BPNT2: variants seen among roughly 807,000 people sequenced by gnomAD.
The protein encoded by BPNT2 is Golgi-resident adenosine 3',5'-bisphosphate 3'-phosphatase.
BPNT2 carries 11 observed loss-of-function variants against 29.3 expected under a neutral mutation model. That is an observed-to-expected ratio of 0.38 (90% CI 0.24 to 0.62). BPNT2 has a LOEUF of 0.62. BPNT2 is among the 20% of genes least tolerant of loss of function. The pLI, the probability that BPNT2 is intolerant of heterozygous loss-of-function variation, is 0.62. For missense variants in BPNT2, 459 were observed against 473.4 expected, an observed-to-expected ratio of 0.97 and a Z score of 0.28; for synonymous variants, 195 against 187.7, an observed-to-expected ratio of 1.04 and a Z score of -0.32.
intron 3 of BPNT2, among the ~76,000 whole-genome samples, chr8:56,975,371 C>T (rs1488284057): frequency 6.6e-6 from 1 of 152,066 alleles, no homozygotes; most frequent in Admixed American, 6.5e-5. Flanking sequence ...TAAATGCCAT[C>T]CTAACTGATA....
chr8:56,980,121 A>G lies in BPNT2; in HGVS notation c.464T>C (p.Leu155Pro). Reference protein sequence around the residue: ...LWDHKIPEDILKEVTTPKEVP... With the variant: ...LWDHKIPEDIPKEVTTPKEVP... ...CTCTTTAGGAGTAGTTACTTCCTTTAGGATATCCTCAGGAATCTTATGATC... is the reference window on the plus strand; with the variant it reads ...CTCTTTAGGAGTAGTTACTTCCTTTGGGATATCCTCAGGAATCTTATGATC... The change falls in exon 2 of 5, where the codon CTA becomes CCA. Residue 155 changes from leucine to proline, a missense_variant. Coordinates refer to ENST00000262644, the MANE Select transcript of BPNT2 (RefSeq NM_017813.5). 4 of 1,613,504 alleles carry G rather than the reference A, an allele frequency of 2.5e-6. No individual in the cohort carries two copies. The highest frequency in any genetic ancestry group is 3.4e-6 in the Non-Finnish European group (4 of 1,179,508).
chr8:56,966,703 G>A (rs1805959324), intron 3 of BPNT2, among the ~76,000 whole-genome samples: 1 of 152,090 alleles, frequency 6.6e-6, no homozygotes, highest in Non-Finnish European at 1.5e-5. Context: ...CTCTTTCACA[G>A]TTGTGATCCC....
chr8:56,963,969 A>C lies in BPNT2; in HGVS notation c.904T>G (p.Cys302Gly). ...HVTYIKKWDICAGNAILKALG... is the reference protein window; with the variant it reads ...HVTYIKKWDIGAGNAILKALG... ...GCTTTTAAGATGGCATTACCAGCAC[A>C]TATATCCCACTTTTTGATGTATGTC... Residue 302 changes from cysteine (C) to glycine (G), a missense_variant, in exon 5 of 5, where the codon TGT (cysteine) becomes GGT (glycine). Physicochemically the swap from Cys to Gly is radical, Grantham distance 159. Transcript: ENST00000262644. The C allele has an allele frequency of 6.2e-7, 1 of 1,613,860 alleles. No homozygotes were observed. Among genetic ancestry groups the C allele is most frequent in the South Asian group, 1.1e-5 (1 of 91,044 alleles).
intron 3 of BPNT2, among the ~76,000 whole-genome samples, chr8:56,970,041 G>C (rs928998544): frequency 6.6e-6 from 1 of 152,162 alleles, no homozygotes; most frequent in African/African-American, 2.4e-5. Context: ...GCTAATATAT[G>C]TAGAAACAAC....
chr8:56,990,280 C>T (rs889743318), intron 1 of BPNT2, among the ~76,000 whole-genome samples: 1 of 152,158 alleles, frequency 6.6e-6, no homozygotes, highest in African/African-American at 2.4e-5. Context: ...GTCCCCTGTA[C>T]ATTAAATCAA....
Position 56,988,069 on chromosome 8 carries a change from C to T in BPNT2, c.387+5130G>A, listed in dbSNP as rs112444260. On this transcript the variant is annotated intron_variant, in intron 1 of 4. Coordinates refer to ENST00000262644, the MANE Select transcript of BPNT2 (RefSeq NM_017813.5). ...AAACATATAAATAAACGTACCTCTACCTGTCCTATTCTCTTCCCACCTTTA... is the reference window on the plus strand; with the variant it reads ...AAACATATAAATAAACGTACCTCTATCTGTCCTATTCTCTTCCCACCTTTA... 4.7e-3 allele frequency among the ~76,000 whole-genome samples: 721 copies of T among 152,276 alleles called. 3 individuals carry two copies. The highest frequency in any genetic ancestry group is 0.017 in the African/African-American group (699 of 41,542).
rs573481818 is a variant in BPNT2 at position 56,961,484 on chromosome 8, T to C, written c.*2309A>G. The C allele has an allele frequency of 1.3e-5, 2 of 152,330 alleles. No homozygotes were observed. Among genetic ancestry groups the C allele is most frequent in the South Asian group, 2.1e-4 (1 of 4,832 alleles). The allele number at this position is 152,330 out of a possible 1,614,324, so 9.4% of individuals were successfully genotyped here. A position where few individuals can be genotyped will look rare whatever the true frequency, so the allele number is the denominator to read the frequency against. ...TACCCAACATATTATAAAAATAATGTATTTAACTCTCAACCAATACCTTAA... is the reference window on the plus strand; with the variant it reads ...TACCCAACATATTATAAAAATAATGCATTTAACTCTCAACCAATACCTTAA... On this transcript the variant is annotated 3_prime_UTR_variant, in exon 5 of 5. Coordinates refer to ENST00000262644, the MANE Select transcript of BPNT2 (RefSeq NM_017813.5).
chr8:56,985,882 A>T (rs896951923), intron 1 of BPNT2, among the ~76,000 whole-genome samples: 1 of 152,248 alleles, frequency 6.6e-6, no homozygotes, highest in Non-Finnish European at 1.5e-5. Flanking sequence ...GATGTACAAA[A>T]TATGGACAAA....
intron 1 of BPNT2, among the ~76,000 whole-genome samples, chr8:56,983,516 C>T (rs973079317): frequency 3.3e-5 from 5 of 152,060 alleles, no homozygotes; most frequent in African/African-American, 9.7e-5. Context: ...TGAAGGACCT[C>T]GCAGGCTGCA....
At chr8:56,978,664 T>TAA (rs571630819) in intron 2 of BPNT2, among the ~76,000 whole-genome samples, 57 of 144,092 alleles carry the variant, frequency 4.0e-4, no homozygotes, top group Middle Eastern at 3.5e-3. Context: ...ATAGACCAGG[T>TAA]AAAAAAAAAA....
chr8:56,976,586 C>T (rs1013324520), intron 3 of BPNT2, among the ~76,000 whole-genome samples: 1 of 152,110 alleles, frequency 6.6e-6, no homozygotes, highest in African/African-American at 2.4e-5. Context: ...GGTCAGATAG[C>T]ACAAAGTGGA....
At chr8:56,969,223 G>A (rs536406936) in intron 3 of BPNT2, among the ~76,000 whole-genome samples, 2 of 152,280 alleles carry the variant, frequency 1.3e-5, no homozygotes, top group South Asian at 2.1e-4. Context: ...ACGACAGCCC[G>A]AGGAAACTAA....
intron 1 of BPNT2, among the ~76,000 whole-genome samples, chr8:56,982,813 GA>G (rs747426914): frequency 2.6e-5 from 4 of 152,144 alleles, no homozygotes; most frequent in Non-Finnish European, 4.4e-5. Context: ...GCTAAAATCA[GA>G]AAACTACTAA....
At chr8:56,968,022 T>C (rs1161278548) in intron 3 of BPNT2, among the ~76,000 whole-genome samples, 1 of 151,860 alleles carries the variant, frequency 6.6e-6, no homozygotes, top group African/African-American at 2.4e-5. Flanking sequence ...AAAGAAAACA[T>C]AGAGAACATA....
chr8:56,973,805 C>G (rs562450846), intron 3 of BPNT2, among the ~76,000 whole-genome samples: 5 of 152,082 alleles, frequency 3.3e-5, no homozygotes, highest in Non-Finnish European at 7.4e-5. Flanking sequence ...ATGACATGGA[C>G]CATTTTACGA....
Position 56,963,617 on chromosome 8 carries a change from T to C in BPNT2, c.*176A>G. On this transcript the variant is annotated 3_prime_UTR_variant, in exon 5 of 5. Coordinates refer to ENST00000262644, the MANE Select transcript of BPNT2 (RefSeq NM_017813.5). ...AATACTTGAGACACAAAGCAACCCA[T>C]TTTCCCTGATTTTGCATTCTATTAC... is the stretch of plus-strand genomic sequence containing the variant. 1 of 640,006 alleles carries C rather than the reference T, an allele frequency of 1.6e-6. No individual in the cohort carries two copies. The highest frequency in any genetic ancestry group is 4.3e-4 in the Middle Eastern group (1 of 2,346). The allele number at this position is 640,006 out of a possible 1,614,324, so 39.6% of individuals were successfully genotyped here.
intron 1 of BPNT2, among the ~76,000 whole-genome samples, chr8:56,984,810 T>A (rs1806303395): frequency 6.6e-6 from 1 of 152,130 alleles, no homozygotes; most frequent in Non-Finnish European, 1.5e-5. Context: ...CTCCTTATCA[T>A]AATCTACAAC....
At chr8:56,989,125 TAGAC>T (rs1806371166) in intron 1 of BPNT2, among the ~76,000 whole-genome samples, 1 of 152,166 alleles carries the variant, frequency 6.6e-6, no homozygotes, top group Non-Finnish European at 1.5e-5. Context: ...TATAGAGAAT[TAGAC>T]AGACCTGAGA....
chr8:56,974,750 T>C (rs1418281601), intron 3 of BPNT2, among the ~76,000 whole-genome samples: 1 of 152,200 alleles, frequency 6.6e-6, no homozygotes, highest in African/African-American at 2.4e-5. Flanking sequence ...TAAAAAGACA[T>C]TTTTAGAAAC....
Sources: allele counts gnomAD v4.1 joint callset (sites outside exome capture counted in the v4.1 genomes callset), GRCh38; gene constraint gnomAD v4.1.1; transcripts MANE v1.5; gene names NCBI Gene and HGNC (gene_info 2026-07-23, HGNC 2026-07-21).